ERAP2: variants seen among roughly 807,000 people sequenced by gnomAD.
ERAP2 encodes the protein endoplasmic reticulum aminopeptidase 2.
In ERAP2, 118 loss-of-function variants were observed where a neutral mutation model predicts 111.1. The observed-to-expected ratio is 1.06, with a 90% CI of 0.92 to 1.24. The LOEUF (loss-of-function observed/expected upper bound fraction) is 1.24, where lower values mean the gene tolerates loss of function less well. Ranked by LOEUF, ERAP2 falls within the 50% of genes most tolerant of loss-of-function variation. The pLI is 0.00. For synonymous variants in ERAP2, 410 were observed against 401.2 expected, an observed-to-expected ratio of 1.02 and a Z score of -0.26; for missense variants, 1,131 against 1,125.8, an observed-to-expected ratio of 1.00 and a Z score of -0.07.
chr5:96,909,461 C>A, intron 14 of ERAP2, 119 bp from the exon 15 acceptor site: 7 of 777,784 alleles, frequency 9.0e-6, no homozygotes, highest in Non-Finnish European at 1.5e-5. Context: ...CGAAGATACA[C>A]TGTTTGGGGA....
At chr5:96,880,738 T>C (rs1783035817) in intron 2 of ERAP2, among the ~76,000 whole-genome samples, 2 of 152,240 alleles carry the variant, frequency 1.3e-5, no homozygotes, top group South Asian at 4.1e-4. Flanking sequence ...ATAGTCAATT[T>C]GATCAAGTCA....
rs1187434817 is a variant in ERAP2, at chr5:96,896,480, G to A, written c.1347G>A (p.Met449Ile). Reference protein sequence around the residue: ...PAETPTQIQEMFDEVSYNKGA... With the variant: ...PAETPTQIQEIFDEVSYNKGA... Reference sequence around the variant, plus strand: ...AAACCCCGACTCAAATACAGGAAATGTTTGATGAAGTTTCCTATAACAAGG... The same window carrying A: ...AAACCCCGACTCAAATACAGGAAATATTTGATGAAGTTTCCTATAACAAGG... Residue 449 changes from methionine to isoleucine, a missense_variant, in exon 8 of 19, where the codon ATG (methionine) becomes ATA (isoleucine). Coordinates refer to ENST00000437043, the MANE Select transcript of ERAP2 (RefSeq NM_022350.5). The A allele has an allele frequency of 6.2e-7, 1 of 1,613,350 alleles. No homozygotes were observed. The highest frequency in any genetic ancestry group is 1.7e-5 in the Admixed American group (1 of 59,876).
intron 13 of ERAP2, among the ~76,000 whole-genome samples, chr5:96,906,561 C>A (rs937486575): frequency 6.6e-6 from 1 of 152,150 alleles, no homozygotes; most frequent in Admixed American, 6.5e-5. Context: ...AGCCACTGCA[C>A]CCAGAATGGA....
chr5:96,889,393 A>T, intron 5 of ERAP2, 88 bp downstream of exon 5: 2 of 1,418,478 alleles, frequency 1.4e-6, no homozygotes, highest in Non-Finnish European at 2.0e-6. Flanking sequence ...ATGTGATTTA[A>T]ATGAGCACTG....
intron 13 of ERAP2, among the ~76,000 whole-genome samples, chr5:96,903,767 T>A (rs2112271550): frequency 6.6e-6 from 1 of 152,212 alleles, no homozygotes; most frequent in East Asian, 1.9e-4. Flanking sequence ...TATTTTAAAA[T>A]GTGGAGAACT....
At chr5:96,894,189 T>A (rs1368556151) in intron 6 of ERAP2, among the ~76,000 whole-genome samples, 1 of 152,218 alleles carries the variant, frequency 6.6e-6, no homozygotes, top group East Asian at 1.9e-4. Context: ...TCCGTAGGTA[T>A]TTACTGAATG....
In ERAP2 at chr5:96,918,706, G is replaced by C. The variant is rs1276876754; in HGVS notation, c.*1101G>C. On this transcript the variant is annotated 3_prime_UTR_variant, in exon 19 of 19. Transcript: ENST00000437043. ...AAATGAAGTCGAATCTGCCCTCACA[G>C]AGACACAAGAAAGGAATATAATTCA... The C allele has an allele frequency of 2.0e-5, 3 of 152,154 alleles. No individual in the cohort carries two copies. Among genetic ancestry groups the C allele is most frequent in the African/African-American group, 7.2e-5 (3 of 41,430 alleles). 9.4% of individuals were successfully genotyped at this position (152,154 alleles called of 1,614,324 possible).
intron 11 of ERAP2, 37 bp from the exon 12 acceptor site, chr5:96,902,237 T>C (rs1227283071): frequency 7.2e-7 from 1 of 1,385,426 alleles, no homozygotes; most frequent in Non-Finnish European, 1.0e-6. Context: ...ACAGCAGCAT[T>C]CTTTTGGTCT....
intron 4 of ERAP2, among the ~76,000 whole-genome samples, chr5:96,888,776 C>T (rs934094894): frequency 6.6e-5 from 10 of 152,258 alleles, no homozygotes; most frequent in African/African-American, 2.4e-4. Flanking sequence ...TTCATGGCTT[C>T]CCACATAGGT....
intron 6 of ERAP2, 57 bp from the exon 7 acceptor site, chr5:96,895,189 A>T: frequency 1.9e-6 from 2 of 1,044,742 alleles, no homozygotes; most frequent in Admixed American, 2.4e-5. Context: ...ATTTTTTGCT[A>T]AAGTTAATAA....
At chr5:96,884,002 T>C in intron 3 of ERAP2, 72 bp downstream of exon 3, 1 of 1,426,990 alleles carries the variant, frequency 7.0e-7, no homozygotes, top group South Asian at 1.4e-5. Flanking sequence ...TTTTTTAAAA[T>C]TGCTTTCAGG....
intron 5 of ERAP2, 104 bp downstream of exon 5, chr5:96,889,409 T>C (rs746070980): frequency 4.0e-5 from 51 of 1,277,558 alleles, no homozygotes; most frequent in Non-Finnish European, 5.4e-5. Flanking sequence ...CACTGAGGAA[T>C]TCAGTTAGCT....
At chr5:96,887,112 C>T (rs41276273) in intron 4 of ERAP2, among the ~76,000 whole-genome samples, 69 of 145,494 alleles carry the variant, frequency 4.7e-4, no homozygotes, top group Middle Eastern at 7.2e-3. Context: ...CACACACACA[C>T]ACACACACAC....
At position 96,917,538 on chromosome 5, in the gene ERAP2, C is replaced by A. The variant is rs751611988; in HGVS notation, c.2816C>A (p.Thr939Asn). The A allele has an allele frequency of 2.6e-5, 42 of 1,613,374 alleles. No individual in the cohort carries two copies. Among genetic ancestry groups the A allele is most frequent in the Middle Eastern group, 1.6e-4 (1 of 6,082 alleles). ...TTTCAAACTGTTCTGGAAACGATAA[C>A]CAAAAATATAAAATGGCTGGAGAAG... ...DIFQTVLETI[T>N]KNIKWLEKNL... Residue 939 changes from threonine (T) to asparagine (N), a missense_variant, in exon 19 of 19, where the codon ACC (threonine) becomes AAC (asparagine). By Grantham distance (65) the Thr-to-Asn change is moderately conservative. This residue lies in a region of ERAP2 where 279 missense variants were observed against 250.9 expected (regional missense o/e 1.11). Coordinates refer to ENST00000437043, the MANE Select transcript of ERAP2 (RefSeq NM_022350.5).
intron 4 of ERAP2, 92 bp downstream of exon 4, chr5:96,886,881 G>C: frequency 8.4e-7 from 1 of 1,186,374 alleles, no homozygotes; most frequent in South Asian, 3.1e-5. Flanking sequence ...TGTTATCAAA[G>C]TATTATGTTT....
At chr5:96,884,076 ATC>A in intron 3 of ERAP2, 146 bp downstream of exon 3, 1 of 604,768 alleles carries the variant, frequency 1.7e-6, no homozygotes, top group Non-Finnish European at 2.7e-6. Flanking sequence ...CTATCTATCT[ATC>A]TATCATCATA....
At chr5:96,881,932 C>T (rs998259474) in intron 2 of ERAP2, among the ~76,000 whole-genome samples, 1 of 152,040 alleles carries the variant, frequency 6.6e-6, no homozygotes, top group Non-Finnish European at 1.5e-5. Context: ...GGACTTGTTG[C>T]CTTCCTGAAT....
At chr5:96,901,194 G>A (rs368481445) in intron 10 of ERAP2, among the ~76,000 whole-genome samples, 2 of 146,374 alleles carry the variant, frequency 1.4e-5, no homozygotes, top group East Asian at 4.1e-4. Flanking sequence ...GTTTGATTTT[G>A]TTTGTTTGCT....
intron 13 of ERAP2, among the ~76,000 whole-genome samples, chr5:96,906,643 C>T (rs1036300974): frequency 6.6e-6 from 1 of 152,182 alleles, no homozygotes; most frequent in African/African-American, 2.4e-5. Flanking sequence ...AATTTAAAGA[C>T]AGGGGTCTTG....
Sources: allele counts gnomAD v4.1 joint callset (sites outside exome capture counted in the v4.1 genomes callset), GRCh38; gene constraint gnomAD v4.1.1; regional missense constraint gnomAD v4.1.1; transcripts MANE v1.5; gene names NCBI Gene and HGNC (gene_info 2026-07-23, HGNC 2026-07-21).